Variants in HNF1B observed in about 807,000 individuals in gnomAD.
HNF1B encodes HNF1 homeobox B.
HNF1B carries 8 observed loss-of-function variants against 61.7 expected under a neutral mutation model. The ratio of observed to expected loss-of-function variants is 0.13; its 90% confidence interval spans 0.08 to 0.23. The LOEUF (loss-of-function observed/expected upper bound fraction) is 0.23, where lower values mean the gene tolerates loss of function less well. Among genes scored for constraint, HNF1B ranks in the 10% least tolerant of loss-of-function variants. The pLI is 1.00. For missense variants in HNF1B, 562 were observed against 714.5 expected, an observed-to-expected ratio of 0.79 and a Z score of 2.43; for synonymous variants, 314 against 287.7, an observed-to-expected ratio of 1.09 and a Z score of -0.93.
At chr17:37,724,917 TG>T (rs2147519999) in intron 4 of HNF1B, among the ~76,000 whole-genome samples, 1 of 135,560 alleles carries the variant, frequency 7.4e-6, no homozygotes, top group East Asian at 2.3e-4. Context: ...TGTGTGTGTG[TG>T]TGTGTGTGTG....
At chr17:37,728,922 T>TA (rs1157675184) in intron 4 of HNF1B, 2 of 154,726 alleles carry the variant, frequency 1.3e-5, no homozygotes, top group Non-Finnish European at 2.9e-5. Flanking sequence ...CACTGCCTCT[T>TA]AGGGGGAATG....
intron 4 of HNF1B, among the ~76,000 whole-genome samples, chr17:37,713,693 A>C (rs1285695014): frequency 1.3e-5 from 2 of 152,102 alleles, no homozygotes; most frequent in Non-Finnish European, 2.9e-5. Flanking sequence ...CCTCATCTAT[A>C]AGCCAGAGGA....
At chr17:37,733,339 T>C (rs546319875) in intron 3 of HNF1B, among the ~76,000 whole-genome samples, 2 of 152,340 alleles carry the variant, frequency 1.3e-5, no homozygotes, top group South Asian at 2.1e-4. Flanking sequence ...GAACCTTTAA[T>C]ATATGTTGTG....
intron 4 of HNF1B, among the ~76,000 whole-genome samples, chr17:37,717,257 C>A (rs1372948940): frequency 6.6e-6 from 1 of 152,052 alleles, no homozygotes; most frequent in Non-Finnish European, 1.5e-5. Context: ...ACCTCCCATC[C>A]CTGATAATGC....
At position 37,744,479 on chromosome 17, in the gene HNF1B, C is replaced by T. The variant is rs577888669; in HGVS notation, c.344+62G>A. 3.2e-5 allele frequency: 50 copies of T among 1,551,560 alleles called. No individual in the cohort carries two copies. In the South Asian group the frequency reaches 5.1e-4, roughly 16 times the overall value. ...GAGTGTGGTCGGGCGCAGTGTCACT[C>T]AGGCCCGGGGCCGGGGCTCCAGGGG... On this transcript the variant is annotated intron_variant, in intron 1 of 8. Coordinates refer to ENST00000617811, the MANE Select transcript of HNF1B (RefSeq NM_000458.4).
chr17:37,708,936 C>T (rs968867681), intron 5 of HNF1B, among the ~76,000 whole-genome samples: 5 of 152,162 alleles, frequency 3.3e-5, no homozygotes, highest in Admixed American at 2.0e-4. Context: ...ACCTGTGACT[C>T]ACCGTTTCTG....
At chr17:37,700,905 G>T in intron 7 of HNF1B, 78 bp downstream of exon 7, 1 of 1,357,278 alleles carries the variant, frequency 7.4e-7, no homozygotes, top group Non-Finnish European at 1.0e-6. Context: ...TTCCGAGAAA[G>T]TTCAGACCCA....
intron 8 of HNF1B, among the ~76,000 whole-genome samples, chr17:37,694,516 T>A (rs964668486): frequency 7.0e-6 from 1 of 143,602 alleles, no homozygotes; most frequent in Non-Finnish European, 1.5e-5. Flanking sequence ...AGGCAGAGAT[T>A]GGGAGTTTGG....
Position 37,721,719 on chromosome 17 carries a change from CTT to C in HNF1B, c.1045+9874_1045+9875del, listed in dbSNP as rs200443525. 9.4e-4 allele frequency among the ~76,000 whole-genome samples: 136 copies of C among 144,380 alleles called. 1 individual carries two copies. The highest frequency in any genetic ancestry group is 3.7e-3 in the Middle Eastern group (1 of 272). The allele number at this position is 144,380 out of a possible 152,430, so 94.7% of individuals were successfully genotyped here. A position where few individuals can be genotyped will look rare whatever the true frequency, so the allele number is the denominator to read the frequency against. ...TGACTATGCATCCAAATCTCTCTCTCTTTTTTTTTTTTTTTTAGAGACAGGGT... is the reference window on the plus strand; with the variant it reads ...TGACTATGCATCCAAATCTCTCTCTCTTTTTTTTTTTTTTAGAGACAGGGT... On this transcript the variant is annotated intron_variant, in intron 4 of 8. Coordinates refer to ENST00000617811, the MANE Select transcript of HNF1B (RefSeq NM_000458.4).
chr17:37,733,565 T>C lies in HNF1B; in HGVS notation c.801A>G (p.Glu267=), dbSNP rs1339537709. 1.2e-6 allele frequency: 2 copies of C among 1,614,168 alleles called. No homozygotes were observed. Among genetic ancestry groups the C allele is most frequent in the East Asian group, 2.2e-5 (1 of 44,886 alleles). ...SKEEREALVE[E]CNRAECLQRG... Reference sequence around the variant, plus strand: ...GCTTCTGGTGGTGTTACCTGTTGCATTCCTCCACTAAGGCCTCTCTCTCTT... The same window carrying C: ...GCTTCTGGTGGTGTTACCTGTTGCACTCCTCCACTAAGGCCTCTCTCTCTT... The change falls in exon 3 of 9, where the codon GAA becomes GAG. Residue 267 remains glutamate (E), a synonymous_variant. Transcript: ENST00000617811.
At position 37,691,738 on chromosome 17, in the gene HNF1B, A is replaced by G. The variant is rs191180879; in HGVS notation, c.1654-4346T>C. Among the ~76,000 whole-genome samples the G allele has an allele frequency of 3.4e-3, 524 of 152,304 alleles. 13 individuals are homozygous for G. The highest frequency in any genetic ancestry group is 0.032 in the Admixed American group (497 of 15,296). ...TTTCTCTGAGGTCACACAGGTAGAAAGTGGTAGAATGTTGAGCCCAGATCT... is the reference window on the plus strand; with the variant it reads ...TTTCTCTGAGGTCACACAGGTAGAAGGTGGTAGAATGTTGAGCCCAGATCT... On this transcript the variant is annotated intron_variant, in intron 8 of 8. Transcript: ENST00000617811.
intron 4 of HNF1B, among the ~76,000 whole-genome samples, chr17:37,717,057 A>G (rs1310872886): frequency 6.6e-6 from 1 of 152,226 alleles, no homozygotes; most frequent in Non-Finnish European, 1.5e-5. Context: ...ATGTCAACAA[A>G]GAAAACAGGA....
intron 4 of HNF1B, among the ~76,000 whole-genome samples, chr17:37,714,673 T>C (rs953449088): frequency 2.6e-5 from 4 of 152,222 alleles, no homozygotes; most frequent in African/African-American, 9.6e-5. Flanking sequence ...ATCAGCATCA[T>C]GGGTGTTGGG....
At chr17:37,733,293 A>G (rs2033741733) in intron 3 of HNF1B, among the ~76,000 whole-genome samples, 1 of 152,220 alleles carries the variant, frequency 6.6e-6, no homozygotes, top group African/African-American at 2.4e-5. Context: ...CCAATTCAAC[A>G]AAGCTAAGTG....
intron 3 of HNF1B, 68 bp from the exon 4 acceptor site, chr17:37,731,898 AAC>A: frequency 9.6e-7 from 1 of 1,039,532 alleles, no homozygotes; most frequent in Non-Finnish European, 1.5e-6. Flanking sequence ...CTTGGCCAAA[AAC>A]ACACAATCAC....
chr17:37,709,162 T>C (rs1403055885), intron 5 of HNF1B, among the ~76,000 whole-genome samples: 1 of 152,198 alleles, frequency 6.6e-6, no homozygotes, highest in East Asian at 1.9e-4. Context: ...GCTCCTGTTC[T>C]CCCATAAGCC....
rs1343485334 is a variant in HNF1B at position 37,744,843 on chromosome 17, G to A, written c.42C>T (p.Ser14=). The A allele has an allele frequency of 1.9e-6, 3 of 1,612,342 alleles. No homozygotes were observed. The highest frequency in any genetic ancestry group is 2.5e-6 in the Non-Finnish European group (3 of 1,179,840). The change falls in exon 1 of 9, where the codon AGC becomes AGT. Residue 14 remains serine, a synonymous_variant. Transcript: ENST00000617811. ...TGGTGACCCCGGAGCTCAGCAGGGC[G>A]CTCAGGAGTTCTTGCTGGAGCGACG... ...KLTSLQQELL[S]ALLSSGVTKE...
chr17:37,737,486 CA>C (rs2033864951), intron 2 of HNF1B, among the ~76,000 whole-genome samples: 1 of 152,124 alleles, frequency 6.6e-6, no homozygotes, highest in Admixed American at 6.6e-5. Flanking sequence ...ATAATAGTTA[CA>C]GAAGGAAGGA....
In HNF1B at chr17:37,698,309, T is replaced by C. The variant is rs115074718; in HGVS notation, c.1653+767A>G. Among the ~76,000 whole-genome samples, 622 of 152,168 alleles carry C rather than the reference T, an allele frequency of 4.1e-3. 2 individuals carry two copies. The highest frequency in any genetic ancestry group is 0.014 in the African/African-American group (592 of 41,530). On this transcript the variant is annotated intron_variant, in intron 8 of 8. Transcript: ENST00000617811. ...GAATCATCACCTGTGTTCAGACATC[T>C]TGTCCTGTTTTCTAACTCTCGGTGT... is the stretch of plus-strand genomic sequence containing the variant.
Sources: gnomAD v4.1 joint callset for allele counts (sites outside exome capture counted in the v4.1 genomes callset) on GRCh38, gnomAD v4.1.1 for gene constraint, MANE v1.5 for transcripts, NCBI Gene and HGNC (gene_info 2026-07-23, HGNC 2026-07-21) for gene names.